The following NOL4 variants were observed in gnomAD, a reference collection of about 807,000 sequenced individuals.
NOL4 encodes the protein cancer/testis antigen 125.
A neutral mutation model predicts 75.9 loss-of-function variants in NOL4; 17 were observed. The observed-to-expected ratio is 0.22, with a 90% confidence interval of 0.15 to 0.34. NOL4 has a LOEUF of 0.34. NOL4 is among the 10% of genes least tolerant of loss of function. The pLI, the probability that NOL4 is intolerant of heterozygous loss-of-function variation, is 1.00. For missense variants in NOL4, 614 were observed against 793.5 expected, an observed-to-expected ratio of 0.77 and a Z score of 2.72; for synonymous variants, 292 against 289.9, an observed-to-expected ratio of 1.01 and a Z score of -0.07.
chr18:34,091,367 A>C (rs905729057), intron 5 of NOL4, among the ~76,000 whole-genome samples: 8 of 152,090 alleles, frequency 5.3e-5, no homozygotes, highest in African/African-American at 1.9e-4. Context: ...CATCTTAAAA[A>C]TAAAATAATA....
chr18:34,178,902 T>C (rs752414772), intron 1 of NOL4, among the ~76,000 whole-genome samples: 2 of 151,674 alleles, frequency 1.3e-5, no homozygotes, highest in Non-Finnish European at 3.0e-5. Context: ...GTTTTCTCTA[T>C]TGTACATGTA....
intron 9 of NOL4, among the ~76,000 whole-genome samples, chr18:33,926,712 T>C (rs868239117): frequency 9.2e-5 from 14 of 152,120 alleles, no homozygotes; most frequent in African/African-American, 3.4e-4. Flanking sequence ...GCAATTCTCC[T>C]GCCTCAGCTT....
intron 6 of NOL4, among the ~76,000 whole-genome samples, chr18:33,983,462 G>C (rs2072150257): frequency 6.7e-6 from 1 of 149,780 alleles, no homozygotes; most frequent in African/African-American, 2.5e-5. Flanking sequence ...GGTATACATA[G>C]GTGGTATAAA....
intron 1 of NOL4, among the ~76,000 whole-genome samples, chr18:34,182,943 A>T (rs1025849295): frequency 3.3e-5 from 5 of 151,798 alleles, no homozygotes; most frequent in Admixed American, 3.3e-4. Context: ...ACATAAAACT[A>T]CAGAATATTT....
chr18:33,856,637 T>A (rs1377377495), intron 10 of NOL4, among the ~76,000 whole-genome samples: 1 of 152,018 alleles, frequency 6.6e-6, no homozygotes, highest in Admixed American at 6.6e-5. Context: ...ATTCAACAAT[T>A]TAAATAAGTG....
chr18:34,013,425 A>G (rs1464304884), intron 6 of NOL4, among the ~76,000 whole-genome samples: 1 of 151,828 alleles, frequency 6.6e-6, no homozygotes, highest in South Asian at 2.1e-4. Flanking sequence ...CCAAAACACA[A>G]TCTGACCACA....
At chr18:33,864,476 C>G (rs775917802) in intron 10 of NOL4, among the ~76,000 whole-genome samples, 6 of 152,156 alleles carry the variant, frequency 3.9e-5, no homozygotes, top group Non-Finnish European at 5.9e-5. Context: ...AGAAGTTTCT[C>G]ATCTCCACCT....
rs1261546835 is a variant in NOL4 at position 34,203,717 on chromosome 18, T to TCTCACACACACACA, written c.264+19272_264+19273insTGTGTGTGTGTGAG. Among the ~76,000 whole-genome samples the TCTCACACACACACA allele has an allele frequency of 1.3e-3, 92 of 72,296 alleles. 3 individuals carry two copies. The highest frequency in any genetic ancestry group is 1.7e-3 in the Non-Finnish European group (63 of 37,488). The allele number at this position is 72,296 out of a possible 152,430, so 47.4% of individuals were successfully genotyped here. Reference sequence around the variant, plus strand: ...CTCTCTCTCTCTCTCTCTCTCTCTCTCACACACACACACACACACACACAC... The same window carrying TCTCACACACACACA: ...CTCTCTCTCTCTCTCTCTCTCTCTCTCTCACACACACACACACACACACACACACACACACACAC... On this transcript the variant is annotated intron_variant, in intron 1 of 10. Transcript: ENST00000261592.
intron 1 of NOL4, among the ~76,000 whole-genome samples, chr18:34,145,765 A>T (rs1391832176): frequency 6.6e-6 from 1 of 152,048 alleles, no homozygotes; most frequent in Admixed American, 6.6e-5. Context: ...TACTTCAAAA[A>T]ATTTGTTTCT....
chr18:34,196,395 A>G (rs2035332577), intron 1 of NOL4, among the ~76,000 whole-genome samples: 1 of 152,180 alleles, frequency 6.6e-6, no homozygotes, highest in East Asian at 1.9e-4. Context: ...GAGACTGATC[A>G]CCACACACAT....
intron 1 of NOL4, chr18:34,221,480 A>G (rs1200178261): frequency 6.6e-6 from 1 of 152,150 alleles, no homozygotes; most frequent in Admixed American, 6.5e-5. Flanking sequence ...ATGCCAATCT[A>G]GTCCTCATTA....
chr18:33,922,887 C>T (rs1214464163), intron 9 of NOL4, among the ~76,000 whole-genome samples: 4 of 151,956 alleles, frequency 2.6e-5, no homozygotes, highest in East Asian at 3.8e-4. Flanking sequence ...TTCTAAATAT[C>T]GAATTTAATT....
intron 5 of NOL4, among the ~76,000 whole-genome samples, chr18:34,050,880 T>A (rs962336734): frequency 1.3e-5 from 2 of 151,934 alleles, no homozygotes; most frequent in Non-Finnish European, 2.9e-5. Flanking sequence ...GGGGAACAAA[T>A]GCGGAGTTGA....
At position 34,114,396 on chromosome 18, in the gene NOL4, GC is replaced by G. The variant is rs372710909; in HGVS notation, c.415-9237del. Among the ~76,000 whole-genome samples the G allele has an allele frequency of 5.5e-4, 84 of 152,036 alleles. 2 individuals are homozygous for G. The East Asian group carries it at 0.013, about 24-fold the overall frequency. On this transcript the variant is annotated intron_variant, in intron 2 of 10. Coordinates refer to ENST00000261592, the MANE Select transcript of NOL4 (RefSeq NM_003787.5). ...GTTAGTCTTGATCTCTCTTAACTAA[GC>G]ACTAAAAAAATCACAACTTCCATGT...
chr18:34,054,309 C>A (rs2145021317), intron 5 of NOL4, among the ~76,000 whole-genome samples: 1 of 151,908 alleles, frequency 6.6e-6, no homozygotes, highest in East Asian at 1.9e-4. Context: ...ATTGAAGTCT[C>A]CTACTATTAT....
chr18:33,973,779 G>A (rs993441817), intron 6 of NOL4, among the ~76,000 whole-genome samples: 1 of 152,192 alleles, frequency 6.6e-6, no homozygotes, highest in African/African-American at 2.4e-5. Flanking sequence ...AGTCTCAATA[G>A]TGGGCTCAAA....
chr18:34,087,729 C>T (rs2078307297), intron 5 of NOL4, among the ~76,000 whole-genome samples: 1 of 151,848 alleles, frequency 6.6e-6, no homozygotes, highest in African/African-American at 2.4e-5. Context: ...AGAATTATAT[C>T]TCTGAATGGT....
intron 6 of NOL4, among the ~76,000 whole-genome samples, chr18:34,000,367 C>CACTCTGTTGGGTATTTAG (rs2073610468): frequency 6.6e-6 from 1 of 152,000 alleles, no homozygotes; most frequent in African/African-American, 2.4e-5. Context: ...TACTATACCA[C>CACTCTGTTGGGTATTTAG]GATTCAACAC....
intron 5 of NOL4, among the ~76,000 whole-genome samples, chr18:34,062,869 G>C (rs898717519): frequency 6.6e-6 from 1 of 151,990 alleles, no homozygotes; most frequent in Non-Finnish European, 1.5e-5. Flanking sequence ...TGAAGTAAAT[G>C]AAAATCCCAA....
Sources: gnomAD v4.1 joint callset for allele counts (sites outside exome capture counted in the v4.1 genomes callset) on GRCh38, gnomAD v4.1.1 for gene constraint, MANE v1.5 for transcripts, NCBI Gene and HGNC (gene_info 2026-07-23, HGNC 2026-07-21) for gene names.